The following CHERP variants were observed in gnomAD, a reference collection of about 807,000 sequenced individuals.
CHERP encodes calcium homeostasis endoplasmic reticulum protein, also known as ERPROT 213-21.
In CHERP, 8 loss-of-function variants were observed where a neutral mutation model predicts 113.8. That is an observed-to-expected ratio of 0.07 (90% CI 0.04 to 0.13). The LOEUF is 0.13. Ranked by LOEUF, CHERP falls within the 10% of genes least tolerant of loss-of-function variation. The pLI is 1.00. For synonymous variants in CHERP, 559 were observed against 524.5 expected (o/e 1.07, Z -0.90); for missense variants, 884 against 1,298.2 (o/e 0.68, Z 4.90).
chr19:16,520,770 C>G lies in CHERP; in HGVS notation c.2201+56G>C, dbSNP rs2085606013. ...GAGTGTATCTGGGGTCTGCTCCCAC[C>G]CATCACAAGCTGTGGACCCTGGCCC... On this transcript the variant is annotated intron_variant, in intron 13 of 16. Transcript: ENST00000546361. This position sits in a 1 kb window ranked among gnomAD's most constrained non-coding sequence, Gnocchi z 4.0. 2 of 1,513,200 alleles carry G rather than the reference C, an allele frequency of 1.3e-6. No homozygotes were observed. The highest frequency in any genetic ancestry group is 3.3e-5 in the Admixed American group (2 of 59,892). 93.7% of individuals were successfully genotyped at this position (1,513,200 alleles called of 1,614,324 possible).
At position 16,535,710 on chromosome 19, in the gene CHERP, G is replaced by A. The variant is rs1405038873; in HGVS notation, c.200-74C>T. On this transcript the variant is annotated intron_variant, in intron 2 of 16. Coordinates refer to ENST00000546361, the MANE Select transcript of CHERP (RefSeq NM_006387.6). This position sits in a 1 kb window ranked among gnomAD's most constrained non-coding sequence, Gnocchi z 4.3. Reference sequence around the variant, plus strand: ...TAGGTGTCCCCTTGGCCACCTCTCAGCCACAGGGGCCTCCCCCTCCCCAGG... The same window carrying A: ...TAGGTGTCCCCTTGGCCACCTCTCAACCACAGGGGCCTCCCCCTCCCCAGG... 7.4e-7 allele frequency: 1 copy of A among 1,349,168 alleles called. No homozygotes were observed. Among genetic ancestry groups the A allele is most frequent in the Non-Finnish European group, 9.8e-7 (1 of 1,018,514 alleles). The allele number at this position is 1,349,168 out of a possible 1,614,324, so 83.6% of individuals were successfully genotyped here. A position where few individuals can be genotyped will look rare whatever the true frequency, so the allele number is the denominator to read the frequency against.
intron 7 of CHERP, 28 bp from the exon 8 acceptor site, chr19:16,529,928 C>A: frequency 6.2e-7 from 1 of 1,601,706 alleles, no homozygotes; most frequent in South Asian, 1.1e-5. Context: ...ACCCGCTGCT[C>A]AGTATGCGGC....
chr19:16,541,683 T>C (rs547818352), intron 2 of CHERP, 187 bp downstream of exon 2: 2 of 595,978 alleles, frequency 3.4e-6, no homozygotes, highest in South Asian at 4.7e-5. Flanking sequence ...TTGTTCTCCA[T>C]TACAGTGGCA....
At chr19:16,522,900 G>A in intron 11 of CHERP, 152 bp downstream of exon 11, 3 of 856,624 alleles carry the variant, frequency 3.5e-6, no homozygotes, top group Admixed American at 3.5e-5. Flanking sequence ...CTCCGGTTCG[G>A]CACCTCCCAC....
At position 16,542,370 on chromosome 19, in the gene CHERP, C is replaced by G. The variant is rs1361392090; in HGVS notation, c.9G>C (p.Met3Ile). 5 of 1,389,952 alleles carry G rather than the reference C, an allele frequency of 3.6e-6. No individual in the cohort carries two copies. In the East Asian group the frequency reaches 1.4e-4, roughly 39 times the overall value. 86.1% of individuals were successfully genotyped at this position (1,389,952 alleles called of 1,614,324 possible). The change falls in exon 1 of 17, where the codon ATG (methionine) becomes ATC (isoleucine). Residue 3 changes from methionine to isoleucine, a missense_variant. This residue lies in a region of CHERP where 17 missense variants were observed against 23.2 expected (regional missense o/e 0.73). Coordinates refer to ENST00000546361, the MANE Select transcript of CHERP (RefSeq NM_006387.6). ME[M>I]PLPPDDQELR... ...GGGTCTCACCATCGGGGGGCAGCGG[C>G]ATCTCCATGGCTCCGGCCGCGGGGA...
In CHERP at chr19:16,530,158, CT is replaced by C. The variant is rs1406971406; in HGVS notation, c.877-259del. On this transcript the variant is annotated intron_variant, in intron 7 of 16. Coordinates refer to ENST00000546361, the MANE Select transcript of CHERP (RefSeq NM_006387.6). The surrounding 1 kb of genome is among the most constrained non-coding windows in gnomAD (Gnocchi z 4.1). ...CAGAACGAGCAACGACAGCCGTGTC[CT>C]GGCCGCTTCGTGGCTGCTCAGCGAA... Among the ~76,000 whole-genome samples, 2 of 152,240 alleles carry C rather than the reference CT, an allele frequency of 1.3e-5. No individual in the cohort carries two copies. Among genetic ancestry groups the C allele is most frequent in the Non-Finnish European group, 2.9e-5 (2 of 68,042 alleles).
At chr19:16,527,469 T>C (rs966571953) in intron 9 of CHERP, among the ~76,000 whole-genome samples, 4 of 152,188 alleles carry the variant, frequency 2.6e-5, no homozygotes, top group Admixed American at 6.5e-5. Context: ...AAGGCCACGC[T>C]GCGAAGCCAA....
rs2085563731 is a variant in CHERP at position 16,518,167 on chromosome 19, C to T, written c.*992G>A. ...AGGTGTGGCCGATTCCCAACGGTCACCCACCAGCTTCTGGCAGGAGCAGCT... is the reference window on the plus strand; with the variant it reads ...AGGTGTGGCCGATTCCCAACGGTCATCCACCAGCTTCTGGCAGGAGCAGCT... On this transcript the variant is annotated 3_prime_UTR_variant, in exon 17 of 17. Coordinates refer to ENST00000546361, the MANE Select transcript of CHERP (RefSeq NM_006387.6). 1 of 152,160 alleles carries T rather than the reference C, an allele frequency of 6.6e-6. No individual in the cohort carries two copies. Among genetic ancestry groups the T allele is most frequent in the Non-Finnish European group, 1.5e-5 (1 of 68,034 alleles). 9.4% of individuals were successfully genotyped at this position (152,160 alleles called of 1,614,324 possible). A position where few individuals can be genotyped will look rare whatever the true frequency, so the allele number is the denominator to read the frequency against.
In CHERP at chr19:16,530,888, GGA is replaced by G; in HGVS notation, c.675-10_675-9del. 1 of 1,612,356 alleles carries G rather than the reference GGA, an allele frequency of 6.2e-7. No homozygotes were observed. The highest frequency in any genetic ancestry group is 8.5e-7 in the Non-Finnish European group (1 of 1,179,618). ...CGGGCCTGCTTGCGCTGGCTGTGAG[GGA>G]GAGACTTTCCGCGCGTCAGGGCCCT... On this transcript the variant is annotated splice_polypyrimidine_tract_variant and intron_variant, in intron 5 of 16. Transcript: ENST00000546361. The surrounding 1 kb of genome is among the most constrained non-coding windows in gnomAD (Gnocchi z 4.1).
Position 16,542,394 on chromosome 19 carries a change from G to C in CHERP, c.-16C>G. ...GCATCTCCATGGCTCCGGCCGCGGG[G>C]AACGTCCTCCGGCGCCACACGATCG... On this transcript the variant is annotated 5_prime_UTR_variant, in exon 1 of 17. Transcript: ENST00000546361. The C allele has an allele frequency of 7.3e-7, 1 of 1,360,714 alleles. No individual in the cohort carries two copies. Among genetic ancestry groups the C allele is most frequent in the Non-Finnish European group, 9.5e-7 (1 of 1,049,220 alleles). 84.3% of individuals were successfully genotyped at this position (1,360,714 alleles called of 1,614,324 possible). A position where few individuals can be genotyped will look rare whatever the true frequency, so the allele number is the denominator to read the frequency against.
chr19:16,542,202 C>T, intron 1 of CHERP, 152 bp downstream of exon 1: 1 of 1,079,552 alleles, frequency 9.3e-7, no homozygotes, highest in Non-Finnish European at 1.3e-6. Flanking sequence ...CACACGCTCG[C>T]CGGGAATGCG....
chr19:16,528,262 C>A lies in CHERP; in HGVS notation c.1130-7G>T. Reference sequence around the variant, plus strand: ...ATGGGAGGCTTGCTGTCATCTAAATCCAAGTGACAGGCAGTTAGAGCAGGC... The same window carrying A: ...ATGGGAGGCTTGCTGTCATCTAAATACAAGTGACAGGCAGTTAGAGCAGGC... On this transcript the variant is annotated splice_polypyrimidine_tract_variant and splice_region_variant and intron_variant, in intron 8 of 16. Coordinates refer to ENST00000546361, the MANE Select transcript of CHERP (RefSeq NM_006387.6). 1 of 1,562,734 alleles carries A rather than the reference C, an allele frequency of 6.4e-7. No individual in the cohort carries two copies. Among genetic ancestry groups the A allele is most frequent in the Non-Finnish European group, 8.7e-7 (1 of 1,156,044 alleles).
chr19:16,524,376 G>A (rs2122252437), intron 10 of CHERP, among the ~76,000 whole-genome samples: 1 of 152,192 alleles, frequency 6.6e-6, no homozygotes, highest in Admixed American at 6.5e-5. Context: ...GCAACATGGT[G>A]AAACCCTGTC....
rs1004769561 is a variant in CHERP, at chr19:16,523,362, G to A, written c.1742-72C>T. 6.4e-7 allele frequency: 1 copy of A among 1,568,166 alleles called. No individual in the cohort carries two copies. Among genetic ancestry groups the A allele is most frequent in the Non-Finnish European group, 8.7e-7 (1 of 1,155,276 alleles). On this transcript the variant is annotated intron_variant, in intron 10 of 16. Transcript: ENST00000546361. This position sits in a 1 kb window ranked among gnomAD's most constrained non-coding sequence, Gnocchi z 4.0. Reference sequence around the variant, plus strand: ...CCCAGGCGACAAGTGCTGGAGGGGAGGGGCTCAGTGAAGGGCCAGGAGACG... The same window carrying A: ...CCCAGGCGACAAGTGCTGGAGGGGAAGGGCTCAGTGAAGGGCCAGGAGACG...
In CHERP at chr19:16,529,635, G is replaced by A; in HGVS notation, c.1129+13C>T. The A allele has an allele frequency of 6.5e-7, 1 of 1,536,444 alleles. No individual in the cohort carries two copies. Among genetic ancestry groups the A allele is most frequent in the Non-Finnish European group, 8.7e-7 (1 of 1,144,428 alleles). On this transcript the variant is annotated intron_variant, in intron 8 of 16. Coordinates refer to ENST00000546361, the MANE Select transcript of CHERP (RefSeq NM_006387.6). ...GTTTCCTGGGGGCAGGCTGAGCTGA[G>A]GGAGCCCCGTACCAGGCTGGGTGGT...
In CHERP at chr19:16,520,014, G is replaced by A. The variant is rs1599744683; in HGVS notation, c.2462+135C>T. On this transcript the variant is annotated intron_variant, in intron 15 of 16. Coordinates refer to ENST00000546361, the MANE Select transcript of CHERP (RefSeq NM_006387.6). The surrounding 1 kb of genome is among the most constrained non-coding windows in gnomAD (Gnocchi z 4.0). Reference sequence around the variant, plus strand: ...CCAAGTGGCTACTGTGGTGAAGGGTGAGGGGTGCCACTGTCCCCGGGCTAA... The same window carrying A: ...CCAAGTGGCTACTGTGGTGAAGGGTAAGGGGTGCCACTGTCCCCGGGCTAA... The A allele has an allele frequency of 1.1e-6, 1 of 926,002 alleles. No homozygotes were observed. Among genetic ancestry groups the A allele is most frequent in the East Asian group, 2.4e-5 (1 of 41,442 alleles). 57.4% of individuals were successfully genotyped at this position (926,002 alleles called of 1,614,324 possible).
chr19:16,542,198 C>T, intron 1 of CHERP, 155 bp from the exon 2 acceptor site: 1 of 1,080,218 alleles, frequency 9.3e-7, no homozygotes, highest in African/African-American at 1.7e-5. Context: ...GGGCCACACG[C>T]TCGCCGGGAA....
intron 8 of CHERP, 134 bp downstream of exon 8, chr19:16,529,513 TG>T: frequency 1.8e-6 from 2 of 1,106,836 alleles, no homozygotes; most frequent in Non-Finnish European, 2.5e-6. Flanking sequence ...GATGAAAACC[TG>T]GGCCTAGGAG....
chr19:16,542,189 G>A (rs2085784906), intron 1 of CHERP, 146 bp from the exon 2 acceptor site: 1 of 1,087,634 alleles, frequency 9.2e-7, no homozygotes, highest in African/African-American at 1.7e-5. Flanking sequence ...TCCCGATAGG[G>A]GCCACACGCT....
Sources: allele counts gnomAD v4.1 joint callset (sites outside exome capture counted in the v4.1 genomes callset), GRCh38; gene constraint gnomAD v4.1.1; regional missense constraint gnomAD v4.1.1; non-coding constraint Gnocchi (gnomAD v3.1); transcripts MANE v1.5; gene names NCBI Gene and HGNC (gene_info 2026-07-23, HGNC 2026-07-21).